Variants in OR1S1 observed in about 807,000 individuals in gnomAD.
The protein encoded by OR1S1 is olfactory receptor 1S1.
For missense variants in OR1S1, 411 were observed against 367.5 expected (o/e 1.12, Z -0.97); for synonymous variants, 156 against 143.9 (o/e 1.08, Z -0.60).
rs1852924451 is a variant in OR1S1 at position 58,215,483 on chromosome 11, A to T, written c.700A>T (p.Lys234Ter). 1.2e-6 allele frequency: 2 copies of T among 1,614,144 alleles called. No individual in the cohort carries two copies. The highest frequency in any genetic ancestry group is 2.7e-5 in the African/African-American group (2 of 75,026). Residue 234 changes from lysine to a stop codon, truncating the protein, a stop_gained, in exon 2 of 2, where the codon AAG becomes TAG. Transcript: ENST00000641544. LOFTEE classifies it low-confidence loss of function (END_TRUNC). ...CCTGAGAGTATCTTCCACACAGGGA[A>T]AGTGGAAAGCCTTCTCCACTTGTGG...
intron 1 of OR1S1, among the ~76,000 whole-genome samples, 159 bp from the exon 2 acceptor site, chr11:58,214,570 G>C (rs1852893972): frequency 6.6e-6 from 1 of 152,078 alleles, no homozygotes; most frequent in Non-Finnish European, 1.5e-5. Flanking sequence ...CAGTTTTTTT[G>C]AGAAGTTTCG....
intron 1 of OR1S1, 136 bp from the exon 2 acceptor site, chr11:58,214,593 C>G (rs1316936812): frequency 3.0e-6 from 2 of 663,978 alleles, no homozygotes; most frequent in Non-Finnish European, 5.1e-6. Context: ...CATGTCCTGT[C>G]TTTTTCTAAG....
chr11:58,213,918 T>C (rs1852870165), intron 1 of OR1S1, among the ~76,000 whole-genome samples: 2 of 152,208 alleles, frequency 1.3e-5, no homozygotes, highest in South Asian at 4.1e-4. Context: ...TGTTTCTGGA[T>C]TGGAATCTCA....
At chr11:58,215,206 C>A in exon 2 of OR1S1, 1 of 1,614,174 alleles carries the variant, frequency 6.2e-7, no homozygotes, top group Non-Finnish European at 8.5e-7. Flanking sequence ...CCAGGTTCGG[C>A]ATTTTGCTCA....
chr11:58,213,070 A>G (rs922054973), intron 1 of OR1S1, among the ~76,000 whole-genome samples: 1 of 152,204 alleles, frequency 6.6e-6, no homozygotes, highest in Non-Finnish European at 1.5e-5. Context: ...TTCAGGAGGA[A>G]AGAGACTTCA....
exon 2 of OR1S1, chr11:58,214,877 T>G (rs1338626298): frequency 6.2e-7 from 1 of 1,614,096 alleles, no homozygotes; most frequent in East Asian, 2.2e-5. Context: ...TGTGCTTTTC[T>G]TGGGTATGTA....
Position 58,215,593 on chromosome 11 carries a change from TGA to T in OR1S1, c.811_812del (p.Asp271Ter). 1 of 1,614,098 alleles carries T rather than the reference TGA, an allele frequency of 6.2e-7. No homozygotes were observed. The highest frequency in any genetic ancestry group is 1.1e-5 in the South Asian group (1 of 91,076). On this transcript the variant is annotated frameshift_variant, in exon 2 of 2. Transcript: ENST00000641544. LOFTEE classifies it high-confidence loss of function. ...CCTCCTCCACTCACCCTGAGGACACTGATAAGATTGGTGCTGTCCTATTCACT... is the reference window on the plus strand; with the variant it reads ...CCTCCTCCACTCACCCTGAGGACACTTAAGATTGGTGCTGTCCTATTCACT...
chr11:58,215,169 C>G (rs139576914), exon 2 of OR1S1: 25 of 1,614,148 alleles, frequency 1.5e-5, no homozygotes, highest in Middle Eastern at 3.3e-4. Flanking sequence ...ATCTGCCACC[C>G]TCTGAATTAT....
chr11:58,214,582 C>G lies in OR1S1; in HGVS notation c.-55-147C>G. Reference sequence around the variant, plus strand: ...AAACAGTTTTTTTGAGAAGTTTCGGCCATGTCCTGTCTTTTTCTAAGGCAT... The same window carrying G: ...AAACAGTTTTTTTGAGAAGTTTCGGGCATGTCCTGTCTTTTTCTAAGGCAT... On this transcript the variant is annotated intron_variant, in intron 1 of 1. Coordinates refer to ENST00000641544, the Ensembl canonical transcript of OR1S1. The G allele has an allele frequency of 1.3e-5, 8 of 631,638 alleles. No individual in the cohort carries two copies. In the South Asian group the frequency reaches 1.6e-4, roughly 13 times the overall value. The allele number at this position is 631,638 out of a possible 1,614,324, so 39.1% of individuals were successfully genotyped here. A position where few individuals can be genotyped will look rare whatever the true frequency, so the allele number is the denominator to read the frequency against.
At chr11:58,215,932 G>C (rs183774870) in exon 2 of OR1S1, 2 of 596,182 alleles carry the variant, frequency 3.4e-6, no homozygotes, top group Admixed American at 6.1e-5. Context: ...AGAATAACAC[G>C]CATCCTTAGA....
rs1194957299 is a variant in OR1S1 at position 58,214,371 on chromosome 11, T to C, written c.-55-358T>C. Among the ~76,000 whole-genome samples, 7 of 152,236 alleles carry C rather than the reference T, an allele frequency of 4.6e-5. No individual in the cohort carries two copies. In the South Asian group the frequency reaches 1.0e-3, roughly 23 times the overall value. ...ACTTTCACGAGACTTGAAATTTCTG[T>C]TTTCTTAGATTTAAAGGATAAAGGT... is the stretch of plus-strand genomic sequence containing the variant. On this transcript the variant is annotated intron_variant, in intron 1 of 1. Coordinates refer to ENST00000641544, the Ensembl canonical transcript of OR1S1.
intron 1 of OR1S1, among the ~76,000 whole-genome samples, chr11:58,213,068 G>C (rs546264986): frequency 5.3e-5 from 8 of 152,140 alleles, no homozygotes; most frequent in African/African-American, 1.7e-4. Context: ...ATTTCAGGAG[G>C]AAAGAGACTT....
chr11:58,214,206 G>T (rs1390667749), intron 1 of OR1S1, among the ~76,000 whole-genome samples: 2 of 152,126 alleles, frequency 1.3e-5, no homozygotes, highest in African/African-American at 4.8e-5. Context: ...AACCCTGGTT[G>T]CTCCTTCTTG....
exon 2 of OR1S1, chr11:58,215,204 G>T: frequency 6.2e-7 from 1 of 1,614,020 alleles, no homozygotes; most frequent in South Asian, 1.1e-5. Flanking sequence ...GCCCAGGTTC[G>T]GCATTTTGCT....
In OR1S1 at chr11:58,214,809, T is replaced by G; in HGVS notation, c.26T>G (p.Ile9Ser). 1 of 1,614,068 alleles carries G rather than the reference T, an allele frequency of 6.2e-7. No individual in the cohort carries two copies. The highest frequency in any genetic ancestry group is 8.5e-7 in the Non-Finnish European group (1 of 1,179,960). ...ATGCATCAAGGAAACCAAACCACCA[T>G]CACTGAATTCATTCTCCTGGGATTT... The change falls in exon 2 of 2, where the codon ATC (isoleucine) becomes AGC (serine). Residue 9 changes from isoleucine (I) to serine (S), a missense_variant. Coordinates refer to ENST00000641544, the Ensembl canonical transcript of OR1S1.
chr11:58,215,203 C>G, exon 2 of OR1S1: 1 of 1,614,080 alleles, frequency 6.2e-7, no homozygotes, highest in South Asian at 1.1e-5. Context: ...GGCCCAGGTT[C>G]GGCATTTTGC....
intron 1 of OR1S1, among the ~76,000 whole-genome samples, chr11:58,214,339 A>T (rs1022152164): frequency 6.6e-6 from 1 of 152,004 alleles, no homozygotes; most frequent in Admixed American, 6.6e-5. Flanking sequence ...ACTTCCCCAA[A>T]CTCTTCACTT....
At chr11:58,215,331 C>G in exon 2 of OR1S1, 1 of 1,613,698 alleles carries the variant, frequency 6.2e-7, no homozygotes, top group Non-Finnish European at 8.5e-7. Flanking sequence ...GACTTGGCCC[C>G]TCTGCTCAAA....
intron 1 of OR1S1, among the ~76,000 whole-genome samples, 167 bp from the exon 2 acceptor site, chr11:58,214,562 G>A (rs1817072): frequency 2.6e-5 from 4 of 152,020 alleles, no homozygotes; most frequent in Non-Finnish European, 5.9e-5. Context: ...GTTTAAAACA[G>A]TTTTTTTGAG....
Sources: gnomAD v4.1 joint callset for allele counts (sites outside exome capture counted in the v4.1 genomes callset) on GRCh38, gnomAD v4.1.1 for gene constraint, MANE v1.5 for transcripts, NCBI Gene and HGNC (gene_info 2026-07-23, HGNC 2026-07-21) for gene names.